NCKAP5: variants seen among roughly 807,000 people sequenced by gnomAD.
NCKAP5 encodes the protein NCK associated protein 5, also known as nck-associated protein 5.
In NCKAP5, 92 loss-of-function variants were observed where a neutral mutation model predicts 167.0. That is an observed-to-expected ratio of 0.55 (90% CI 0.47 to 0.66). NCKAP5 has a LOEUF of 0.66. Among genes scored for constraint, NCKAP5 ranks in the 30% least tolerant of loss-of-function variants. NCKAP5 has a pLI of 0.00. For missense variants in NCKAP5, 2,378 were observed against 2,315.0 expected (o/e 1.03, Z -0.56); for synonymous variants, 891 against 877.4 (o/e 1.02, Z -0.27).
chr2:133,557,083 G>C (rs1020135166), intron 2 of NCKAP5, among the ~76,000 whole-genome samples: 1 of 152,196 alleles, frequency 6.6e-6, no homozygotes, highest in East Asian at 1.9e-4. Context: ...TAGCAATGGA[G>C]AGAATTCTAG....
intron 19 of NCKAP5, among the ~76,000 whole-genome samples, chr2:132,724,286 A>G (rs1573997879): frequency 6.6e-6 from 1 of 152,292 alleles, no homozygotes; most frequent in East Asian, 1.9e-4. Context: ...TGAACGAACT[A>G]TATACATTTA....
At position 133,086,797 on chromosome 2, in the gene NCKAP5, G is replaced by A. The variant is rs1322652022; in HGVS notation, c.341+43181C>T. ...ATCAGCCTGGGAAACAACTACTAAAGAGGAAAGAGAAAACCGGATTTGTTG... is the reference window on the plus strand; with the variant it reads ...ATCAGCCTGGGAAACAACTACTAAAAAGGAAAGAGAAAACCGGATTTGTTG... On this transcript the variant is annotated intron_variant, in intron 6 of 19. Transcript: ENST00000409261. 3.9e-5 allele frequency among the ~76,000 whole-genome samples: 6 copies of A among 152,088 alleles called. No homozygotes were observed. The South Asian group carries it at 8.3e-4, about 21-fold the overall frequency.
chr2:132,819,845 C>T (rs1183744029), intron 11 of NCKAP5, among the ~76,000 whole-genome samples: 17 of 152,284 alleles, frequency 1.1e-4, no homozygotes, highest in Admixed American at 9.8e-4. Flanking sequence ...TTCATTCACA[C>T]GACAAAACCT....
the NCKAP5 span, among the ~76,000 whole-genome samples, chr2:133,652,762 A>G: frequency 6.6e-6 from 1 of 152,212 alleles, no homozygotes; most frequent in Non-Finnish European, 1.5e-5. Context: ...CAGTTGGAAT[A>G]GGTAGCAACC....
At position 133,179,453 on chromosome 2, in the gene NCKAP5, A is replaced by G; in HGVS notation, c.207+34263T>C. 2.6e-5 allele frequency among the ~76,000 whole-genome samples: 4 copies of G among 152,288 alleles called. No individual in the cohort carries two copies. The East Asian group carries it at 5.8e-4, about 22-fold the overall frequency. On this transcript the variant is annotated intron_variant, in intron 5 of 19. Transcript: ENST00000409261. Reference sequence around the variant, plus strand: ...TTTCAATTAAAAAAAAATCACTCATAAAACAAAAAACCAAGATCTCTAAGT... The same window carrying G: ...TTTCAATTAAAAAAAAATCACTCATGAAACAAAAAACCAAGATCTCTAAGT...
chr2:132,740,418 A>G (rs1679080977), intron 16 of NCKAP5, among the ~76,000 whole-genome samples: 1 of 152,138 alleles, frequency 6.6e-6, no homozygotes, highest in African/African-American at 2.4e-5. Context: ...CTTTATTTGC[A>G]CATCCTTCTC....
chr2:133,526,537 T>C (rs1460917093), intron 2 of NCKAP5, among the ~76,000 whole-genome samples: 2 of 152,198 alleles, frequency 1.3e-5, no homozygotes, highest in Non-Finnish European at 1.5e-5. Context: ...TGTTGCCAGC[T>C]GATTTCCAGA....
intron 19 of NCKAP5, among the ~76,000 whole-genome samples, chr2:132,684,901 G>A (rs1685733627): frequency 6.6e-6 from 1 of 152,320 alleles, no homozygotes; most frequent in African/African-American, 2.4e-5. Flanking sequence ...GAGAAGGGAA[G>A]GAGGGCAGGC....
At chr2:133,125,819 G>A (rs16857026) in intron 6 of NCKAP5, among the ~76,000 whole-genome samples, 17,533 of 152,072 alleles carry the variant, frequency 0.12, 1,243 homozygotes, top group East Asian at 0.37. Flanking sequence ...ATGAGCTTAT[G>A]GCTGATTAGG....
chr2:132,685,926 C>T (rs1214835099), intron 19 of NCKAP5, among the ~76,000 whole-genome samples: 3 of 152,024 alleles, frequency 2.0e-5, no homozygotes, highest in African/African-American at 7.2e-5. Context: ...GGTGTAAGAT[C>T]CTTCCCAGCA....
intron 2 of NCKAP5, among the ~76,000 whole-genome samples, chr2:133,546,909 A>C (rs1020331964): frequency 6.6e-5 from 10 of 152,212 alleles, no homozygotes; most frequent in Non-Finnish European, 1.3e-4. Flanking sequence ...TACGGTCTAC[A>C]GCTCCCAGCG....
At chr2:132,857,547 T>C (rs1689566932) in intron 11 of NCKAP5, among the ~76,000 whole-genome samples, 1 of 152,186 alleles carries the variant, frequency 6.6e-6, no homozygotes, top group African/African-American at 2.4e-5. Context: ...TGAGCATCAG[T>C]GAATCCAGAC....
chr2:132,686,520 T>G (rs1685961176), intron 19 of NCKAP5, among the ~76,000 whole-genome samples: 2 of 152,194 alleles, frequency 1.3e-5, no homozygotes, highest in South Asian at 4.1e-4. Context: ...TTGTAGGGAC[T>G]GAACCTATTT....
chr2:133,384,492 T>G (rs1375752327), intron 3 of NCKAP5, among the ~76,000 whole-genome samples: 1 of 152,244 alleles, frequency 6.6e-6, no homozygotes, highest in African/African-American at 2.4e-5. Flanking sequence ...GGTAGCGTGA[T>G]GCCTCCAGCT....
chr2:132,751,583 A>T (rs1352814956), intron 16 of NCKAP5, among the ~76,000 whole-genome samples: 1 of 152,196 alleles, frequency 6.6e-6, no homozygotes, highest in Admixed American at 6.5e-5. Flanking sequence ...TTGTGGAGCA[A>T]TGCACATGCC....
chr2:132,794,452 G>A (rs1050886203), intron 12 of NCKAP5, among the ~76,000 whole-genome samples: 29 of 150,836 alleles, frequency 1.9e-4, no homozygotes, highest in African/African-American at 7.0e-4. Flanking sequence ...GGCCAACATG[G>A]TGAAACCCCG....
At chr2:133,339,197 G>C (rs1396752204) in intron 3 of NCKAP5, among the ~76,000 whole-genome samples, 1 of 152,040 alleles carries the variant, frequency 6.6e-6, no homozygotes, top group Non-Finnish European at 1.5e-5. Flanking sequence ...CTTAGCAATA[G>C]AGAGAAATGA....
chr2:133,129,451 T>G (rs756306441), intron 6 of NCKAP5, among the ~76,000 whole-genome samples: 46 of 152,244 alleles, frequency 3.0e-4, no homozygotes, highest in Admixed American at 4.6e-4. Flanking sequence ...CTGCATAGTA[T>G]TCAATGGTGT....
At chr2:133,031,598 G>A (rs1270623627) in intron 6 of NCKAP5, among the ~76,000 whole-genome samples, 4 of 151,812 alleles carry the variant, frequency 2.6e-5, no homozygotes, top group Non-Finnish European at 4.4e-5. Context: ...GCTGGCGGGT[G>A]GGTGGGGCAT....
Sources: allele counts gnomAD v4.1 joint callset (sites outside exome capture counted in the v4.1 genomes callset), GRCh38; gene constraint gnomAD v4.1.1; transcripts MANE v1.5; gene names NCBI Gene and HGNC (gene_info 2026-07-23, HGNC 2026-07-21).